The following TRMT1L variants were observed in gnomAD, a reference collection of about 807,000 sequenced individuals.
TRMT1L encodes the protein tRNA (guanine(27)-N(2))-dimethyltransferase.
TRMT1L carries 28 observed loss-of-function variants against 81.6 expected under a neutral mutation model. That is an observed-to-expected ratio of 0.34 (90% CI 0.25 to 0.47). The LOEUF is 0.47. TRMT1L is among the 20% of genes least tolerant of loss of function. The pLI, the probability that TRMT1L is intolerant of heterozygous loss-of-function variation, is 1.00. For synonymous variants in TRMT1L, 301 were observed against 303.2 expected (o/e 0.99, Z 0.07); for missense variants, 739 against 877.1 (o/e 0.84, Z 1.99).
intron 2 of TRMT1L, among the ~76,000 whole-genome samples, chr1:185,151,396 C>T (rs1314230864): frequency 6.6e-6 from 1 of 152,142 alleles, no homozygotes; most frequent in African/African-American, 2.4e-5. Flanking sequence ...CTTGAGGATA[C>T]AAACCAAACA....
rs148422476 is a variant in TRMT1L at position 185,145,130 on chromosome 1, C to T, written c.655+309G>A. Among the ~76,000 whole-genome samples, 101 of 151,862 alleles carry T rather than the reference C, an allele frequency of 6.7e-4. No individual in the cohort carries two copies. The East Asian group carries it at 0.017, about 25-fold the overall frequency. On this transcript the variant is annotated intron_variant, in intron 5 of 14. Transcript: ENST00000367506. ...TTTTTTCTAGTGTTTTCCAACAATA[C>T]ATACATGACAGTTAAGGGTGTAAAA...
chr1:185,150,558 C>T (rs1400503445), intron 2 of TRMT1L, 66 bp from the exon 3 acceptor site: 5 of 1,164,910 alleles, frequency 4.3e-6, no homozygotes, highest in Non-Finnish European at 6.3e-6. Flanking sequence ...GATTCAACTA[C>T]AAAGAGGTTA....
At position 185,143,424 on chromosome 1, in the gene TRMT1L, G is replaced by C; in HGVS notation, c.792C>G (p.Phe264Leu). 6.2e-7 allele frequency: 1 copy of C among 1,608,382 alleles called. No homozygotes were observed. The highest frequency in any genetic ancestry group is 8.5e-7 in the Non-Finnish European group (1 of 1,177,114). Reference sequence around the variant, plus strand: ...CCTCAGCCAAAGCAGCCAATGTACAGAATATTAGCTGCCTAGAAGGAAATC... The same window carrying C: ...CCTCAGCCAAAGCAGCCAATGTACACAATATTAGCTGCCTAGAAGGAAATC... The part of the protein sequence containing the change: ...PKMKLNRQLI[F>L]CTLAALAEER... Residue 264 changes from phenylalanine (F) to leucine (L), a missense_variant, in exon 7 of 15, where the codon TTC becomes TTG. Phe to Leu is a conservative substitution (Grantham distance 22). This residue lies in a region of TRMT1L where 331 missense variants were observed against 462.2 expected (regional missense o/e 0.72). Transcript: ENST00000367506.
chr1:185,143,906 C>A lies in TRMT1L; in HGVS notation c.779G>T (p.Arg260Leu). ...TAACCCTATTTTCAATTTATCTTAC[C>A]GATTTAGTTTCATTTTGGGGTTAAA... Reference protein sequence around the residue: ...SYFNPKMKLNRQLIFCTLAAL... With the variant: ...SYFNPKMKLNLQLIFCTLAAL... The change falls in exon 6 of 15, where the codon CGG becomes CTG. Residue 260 changes from arginine (R) to leucine (L), a missense_variant and splice_region_variant. Around this residue, in one of 4 missense-constraint regions of TRMT1L, gnomAD observed 331 missense variants for 462.2 expected, o/e 0.72. Transcript: ENST00000367506. 1 of 1,602,204 alleles carries A rather than the reference C, an allele frequency of 6.2e-7. No homozygotes were observed. Among genetic ancestry groups the A allele is most frequent in the South Asian group, 1.1e-5 (1 of 89,230 alleles).
chr1:185,150,352 C>T (rs369071717), intron 3 of TRMT1L, 27 bp downstream of exon 3: 1 of 1,510,776 alleles, frequency 6.6e-7, no homozygotes, highest in Non-Finnish European at 9.2e-7. Context: ...ATATATATTA[C>T]TTCTTTGCAA....
Position 185,130,348 on chromosome 1 carries a change from CAGGA to C in TRMT1L, c.1514-1605_1514-1602del, listed in dbSNP as rs1356164947. On this transcript the variant is annotated intron_variant, in intron 10 of 14. Transcript: ENST00000367506. ...CTGCTGTCTCTTAACGCTTAAATGA[CAGGA>C]ACAAAAATTAAACTACAAGAATAAA... Among the ~76,000 whole-genome samples the C allele has an allele frequency of 1.3e-4, 19 of 151,874 alleles. No homozygotes were observed. In the East Asian group the frequency reaches 3.4e-3, roughly 27 times the overall value.
chr1:185,152,287 A>G (rs540135285), intron 1 of TRMT1L, among the ~76,000 whole-genome samples: 2 of 152,364 alleles, frequency 1.3e-5, no homozygotes, highest in Admixed American at 6.5e-5. Context: ...TCTAACTATC[A>G]TATGAGATAG....
chr1:185,118,902 G>C lies in TRMT1L; in HGVS notation c.*1117C>G, dbSNP rs1652426832. Reference sequence around the variant, plus strand: ...CTCCACCCCCTTCCCCCCACTTAATGGTTATAAAAAGTTACATCCCTTAAG... The same window carrying C: ...CTCCACCCCCTTCCCCCCACTTAATCGTTATAAAAAGTTACATCCCTTAAG... On this transcript the variant is annotated 3_prime_UTR_variant, in exon 15 of 15. Coordinates refer to ENST00000367506, the MANE Select transcript of TRMT1L (RefSeq NM_030934.5). The C allele has an allele frequency of 6.8e-6, 1 of 147,742 alleles. No homozygotes were observed. The highest frequency in any genetic ancestry group is 2.1e-4 in the South Asian group (1 of 4,670). The allele number at this position is 147,742 out of a possible 1,614,324, so 9.2% of individuals were successfully genotyped here.
chr1:185,138,895 T>C (rs1409360166), intron 9 of TRMT1L, among the ~76,000 whole-genome samples: 2 of 152,232 alleles, frequency 1.3e-5, no homozygotes, highest in Non-Finnish European at 2.9e-5. Context: ...CAAGTGATTC[T>C]AGTGCCTCAA....
intron 4 of TRMT1L, among the ~76,000 whole-genome samples, chr1:185,146,969 A>C (rs553681311): frequency 6.6e-6 from 1 of 152,160 alleles, no homozygotes; most frequent in South Asian, 2.1e-4. Flanking sequence ...ATCTGACTTA[A>C]ACTAAAAACT....
intron 4 of TRMT1L, 137 bp from the exon 5 acceptor site, chr1:185,145,705 G>A (rs6684586): frequency 0.35 from 260,469 of 744,446 alleles, 46,829 homozygotes; most frequent in African/African-American, 0.44. Context: ...TGACTTTGAA[G>A]TATCTTAACT....
chr1:185,152,248 A>G (rs182596529), intron 1 of TRMT1L, among the ~76,000 whole-genome samples: 1 of 152,246 alleles, frequency 6.6e-6, no homozygotes, highest in Non-Finnish European at 1.5e-5. Flanking sequence ...AGAACTTTCA[A>G]TCAGGTGGGA....
chr1:185,122,821 A>AT (rs1652533411), intron 13 of TRMT1L, among the ~76,000 whole-genome samples: 1 of 150,732 alleles, frequency 6.6e-6, no homozygotes, highest in Non-Finnish European at 1.5e-5. Context: ...AGTAGCTGGT[A>AT]TTACAGGCTT....
At position 185,137,754 on chromosome 1, in the gene TRMT1L, T is replaced by G. The variant is rs763937317; in HGVS notation, c.1365A>C (p.Ala455=). The G allele has an allele frequency of 1.2e-6, 2 of 1,614,076 alleles. No individual in the cohort carries two copies. Among genetic ancestry groups the G allele is most frequent in the Non-Finnish European group, 1.7e-6 (2 of 1,180,006 alleles). Residue 455 remains alanine, a synonymous_variant, in exon 10 of 15, where the codon GCA becomes GCC. Transcript: ENST00000367506. ...RCNKGIEVLF[A]VALEHFVLVV... ...CCAACACAAAATGTTCCAGAGCCAC[T>G]GCAAACAGTACTTCTATGCCTTTGT...
intron 7 of TRMT1L, among the ~76,000 whole-genome samples, chr1:185,140,688 A>G (rs1476827914): frequency 6.6e-6 from 1 of 151,952 alleles, no homozygotes; most frequent in Non-Finnish European, 1.5e-5. Flanking sequence ...TTAAAAAAAA[A>G]AAAATTGTGG....
At position 185,139,460 on chromosome 1, in the gene TRMT1L, T is replaced by A. The variant is rs1652981813; in HGVS notation, c.1229A>T (p.Gln410Leu). 1 of 1,614,198 alleles carries A rather than the reference T, an allele frequency of 6.2e-7. No individual in the cohort carries two copies. Among genetic ancestry groups the A allele is most frequent in the Non-Finnish European group, 8.5e-7 (1 of 1,180,028 alleles). The change falls in exon 9 of 15, where the codon CAG becomes CTG. Residue 410 changes from glutamine (Q) to leucine (L), a missense_variant. Gln to Leu is a moderately radical substitution (Grantham distance 113). Coordinates refer to ENST00000367506, the MANE Select transcript of TRMT1L (RefSeq NM_030934.5). ...TCCGTAGTGACGCCGGGCAACATGC[T>A]GTGCCTTGGCATATAAAGAACTGAT... is the stretch of plus-strand genomic sequence containing the variant. ...TDISSLYAKA[Q>L]HVARRHYGCN...
At chr1:185,125,430 G>A (rs979688397) in intron 11 of TRMT1L, among the ~76,000 whole-genome samples, 2 of 151,952 alleles carry the variant, frequency 1.3e-5, no homozygotes, top group African/African-American at 2.4e-5. Flanking sequence ...GCTTCCCAAA[G>A]TGCTGGAATT....
intron 13 of TRMT1L, among the ~76,000 whole-genome samples, chr1:185,122,205 T>C (rs190884609): frequency 1.0e-3 from 155 of 152,328 alleles, no homozygotes; most frequent in Non-Finnish European, 1.8e-3. Flanking sequence ...CCTAGGTTGA[T>C]TCTGTCTTTG....
rs1026552685 is a variant in TRMT1L at position 185,119,753 on chromosome 1, A to G, written c.*266T>C. 2 of 303,140 alleles carry G rather than the reference A, an allele frequency of 6.6e-6. No homozygotes were observed. The highest frequency in any genetic ancestry group is 1.2e-5 in the Non-Finnish European group (2 of 165,494). The allele number at this position is 303,140 out of a possible 1,614,324, so 18.8% of individuals were successfully genotyped here. On this transcript the variant is annotated 3_prime_UTR_variant, in exon 15 of 15. Coordinates refer to ENST00000367506, the MANE Select transcript of TRMT1L (RefSeq NM_030934.5). ...TTTGCATGTGAAAATTTTCTGAATTATTAAGCAGTAGGGTGATCTCAGTGA... is the reference window on the plus strand; with the variant it reads ...TTTGCATGTGAAAATTTTCTGAATTGTTAAGCAGTAGGGTGATCTCAGTGA...
Sources: allele counts gnomAD v4.1 joint callset (sites outside exome capture counted in the v4.1 genomes callset), GRCh38; gene constraint gnomAD v4.1.1; regional missense constraint gnomAD v4.1.1; transcripts MANE v1.5; gene names NCBI Gene and HGNC (gene_info 2026-07-23, HGNC 2026-07-21).